Variants in PCDHA11 observed in about 807,000 individuals in gnomAD.
The protein encoded by PCDHA11 is protocadherin alpha-11.
In PCDHA11, 61 loss-of-function variants were observed where a neutral mutation model predicts 70.3. That is an observed-to-expected ratio of 0.87 (90% CI 0.71 to 1.07). The LOEUF is 1.07. Ranked by LOEUF, PCDHA11 falls within the 50% of genes least tolerant of loss-of-function variation. The probability of loss-of-function intolerance (pLI) is 0.00; values close to 1 mark genes in which losing one functional copy is unlikely to be tolerated. For missense variants in PCDHA11, 1,324 were observed against 1,237.5 expected (o/e 1.07, Z -1.05); for synonymous variants, 633 against 555.1 (o/e 1.14, Z -1.97).
chr5:140,957,100 T>C (rs2095333217), intron 1 of PCDHA11, among the ~76,000 whole-genome samples: 1 of 152,328 alleles, frequency 6.6e-6, no homozygotes, highest in Non-Finnish European at 1.5e-5. Flanking sequence ...AATATTGCTA[T>C]GGACATGATT....
At position 141,010,114 on chromosome 5, in the gene PCDHA11, G is replaced by A. The variant is rs2098416092; in HGVS notation, c.*177G>A. Reference sequence around the variant, plus strand: ...GCATTTAACAGGTTTTGTCGTAAAAGCTTTACTAAGTCTGGTGTTAACTCT... The same window carrying A: ...GCATTTAACAGGTTTTGTCGTAAAAACTTTACTAAGTCTGGTGTTAACTCT... On this transcript the variant is annotated 3_prime_UTR_variant, in exon 4 of 4. Transcript: ENST00000398640. The A allele has an allele frequency of 1.2e-6, 2 of 1,609,716 alleles. No homozygotes were observed. Among genetic ancestry groups the A allele is most frequent in the Non-Finnish European group, 1.7e-6 (2 of 1,177,682 alleles).
intron 1 of PCDHA11, among the ~76,000 whole-genome samples, chr5:140,892,375 A>G (rs1032467069): frequency 1.3e-5 from 2 of 152,226 alleles, no homozygotes; most frequent in African/African-American, 4.8e-5. Flanking sequence ...GGCACTAGCA[A>G]TCATGGGTAA....
intron 1 of PCDHA11, among the ~76,000 whole-genome samples, chr5:140,881,802 G>A (rs1239090795): frequency 1.3e-5 from 2 of 152,182 alleles, no homozygotes; most frequent in Admixed American, 6.5e-5. Context: ...CCCAAAACGA[G>A]TGTCGAATAT....
chr5:140,918,072 T>C (rs1271495774), intron 1 of PCDHA11, among the ~76,000 whole-genome samples: 1 of 152,142 alleles, frequency 6.6e-6, no homozygotes, highest in Non-Finnish European at 1.5e-5. Flanking sequence ...TTTCTTTCAG[T>C]AGTGTTTTAT....
chr5:140,869,004 T>C lies in PCDHA11; in HGVS notation c.-100T>C. On this transcript the variant is annotated 5_prime_UTR_variant, in exon 1 of 4. Coordinates refer to ENST00000398640, the MANE Select transcript of PCDHA11 (RefSeq NM_018902.5). ...CGGATGCCACCGTTTAAGGATCCTTTGAAACTTCTTAAGAATTCAACGAGA... is the reference window on the plus strand; with the variant it reads ...CGGATGCCACCGTTTAAGGATCCTTCGAAACTTCTTAAGAATTCAACGAGA... 1 of 1,521,534 alleles carries C rather than the reference T, an allele frequency of 6.6e-7. No individual in the cohort carries two copies. Among genetic ancestry groups the C allele is most frequent in the Non-Finnish European group, 8.8e-7 (1 of 1,138,484 alleles). 94.3% of individuals were successfully genotyped at this position (1,521,534 alleles called of 1,614,324 possible). A position where few individuals can be genotyped will look rare whatever the true frequency, so the allele number is the denominator to read the frequency against.
intron 1 of PCDHA11, among the ~76,000 whole-genome samples, chr5:140,935,583 C>T (rs1182817725): frequency 1.3e-5 from 2 of 152,168 alleles, no homozygotes; most frequent in Admixed American, 6.5e-5. Flanking sequence ...AGTTAAGCCA[C>T]CAGCTAGATA....
In PCDHA11 at chr5:140,876,439, A is replaced by G; in HGVS notation, c.2391+4945A>G. 4 of 1,613,988 alleles carry G rather than the reference A, an allele frequency of 2.5e-6. No individual in the cohort carries two copies. The East Asian group carries it at 8.9e-5, about 36-fold the overall frequency. ...TGCCTATGAAATTCAGGTTAACGCC[A>G]TTGATAAAGGGATTCCTTCCATGGC... is the stretch of plus-strand genomic sequence containing the variant. On this transcript the variant is annotated intron_variant, in intron 1 of 3. Transcript: ENST00000398640.
At chr5:140,942,821 G>A (rs2093373988) in intron 1 of PCDHA11, among the ~76,000 whole-genome samples, 1 of 151,968 alleles carries the variant, frequency 6.6e-6, no homozygotes, top group African/African-American at 2.4e-5. Flanking sequence ...GTTGGATTTG[G>A]CCCTGTGTCA....
intron 1 of PCDHA11, chr5:140,927,071 GCCA>G (rs2083808355): frequency 4.3e-6 from 7 of 1,610,970 alleles, no homozygotes; most frequent in Non-Finnish European, 5.9e-6. Flanking sequence ...TTCCTTTCCA[GCCA>G]CCGCGAGCTC....
chr5:140,966,330 G>A, intron 1 of PCDHA11: 2 of 393,050 alleles, frequency 5.1e-6, no homozygotes, highest in Non-Finnish European at 9.0e-6. Context: ...CTGGGATCCG[G>A]CAGGTCCAGG....
In PCDHA11 at chr5:140,868,994, A is replaced by C; in HGVS notation, c.-110A>C. On this transcript the variant is annotated 5_prime_UTR_variant, in exon 1 of 4. Transcript: ENST00000398640. ...TCCATCATACCGGATGCCACCGTTT[A>C]AGGATCCTTTGAAACTTCTTAAGAA... The C allele has an allele frequency of 6.6e-7, 1 of 1,510,848 alleles. No homozygotes were observed. Among genetic ancestry groups the C allele is most frequent in the Non-Finnish European group, 8.8e-7 (1 of 1,130,014 alleles). 93.6% of individuals were successfully genotyped at this position (1,510,848 alleles called of 1,614,324 possible).
chr5:140,946,457 C>T (rs1480427132), intron 1 of PCDHA11, among the ~76,000 whole-genome samples: 2 of 151,612 alleles, frequency 1.3e-5, no homozygotes, highest in Non-Finnish European at 3.0e-5. Flanking sequence ...AACTATCCAG[C>T]AATCCCACTA....
intron 1 of PCDHA11, among the ~76,000 whole-genome samples, chr5:140,899,769 T>C (rs376898324): frequency 4.6e-4 from 70 of 152,316 alleles, no homozygotes; most frequent in African/African-American, 1.7e-3. Flanking sequence ...CAGTTCCTCC[T>C]TTTACCTCTG....
At position 141,010,718 on chromosome 5, in the gene PCDHA11, T is replaced by C. The variant is rs2154002137; in HGVS notation, c.*781T>C. Reference sequence around the variant, plus strand: ...TTTCCTATACATGTCCTGTGCTCACTTTATTAAAAATTCTTTTGCACACAA... The same window carrying C: ...TTTCCTATACATGTCCTGTGCTCACCTTATTAAAAATTCTTTTGCACACAA... On this transcript the variant is annotated 3_prime_UTR_variant, in exon 4 of 4. Coordinates refer to ENST00000398640, the MANE Select transcript of PCDHA11 (RefSeq NM_018902.5). The C allele has an allele frequency of 6.5e-6, 1 of 154,542 alleles. No homozygotes were observed. The highest frequency in any genetic ancestry group is 1.9e-4 in the East Asian group (1 of 5,208). 9.6% of individuals were successfully genotyped at this position (154,542 alleles called of 1,614,324 possible). A position where few individuals can be genotyped will look rare whatever the true frequency, so the allele number is the denominator to read the frequency against.
intron 1 of PCDHA11, among the ~76,000 whole-genome samples, chr5:140,939,605 G>GAACAAGGA (rs1468383916): frequency 1.3e-5 from 2 of 152,082 alleles, no homozygotes; most frequent in African/African-American, 4.8e-5. Flanking sequence ...CTCAAAAACA[G>GAACAAGGA]AACAAGGAGA....
intron 3 of PCDHA11, among the ~76,000 whole-genome samples, chr5:140,992,394 G>A (rs1338899804): frequency 2.0e-5 from 3 of 152,170 alleles, no homozygotes; most frequent in African/African-American, 7.2e-5. Flanking sequence ...TCTGGACTTA[G>A]AGATATTGTT....
At chr5:140,918,816 A>C (rs1178287306) in intron 1 of PCDHA11, among the ~76,000 whole-genome samples, 1 of 62,452 alleles carries the variant, frequency 1.6e-5, no homozygotes, top group Admixed American at 1.3e-4. Context: ...ATGAACCAAA[A>C]AGTGGCCCCC....
At chr5:140,922,547 G>A (rs1269163353) in intron 1 of PCDHA11, among the ~76,000 whole-genome samples, 2 of 152,192 alleles carry the variant, frequency 1.3e-5, no homozygotes, top group Non-Finnish European at 2.9e-5. Context: ...GGCAAGGTAA[G>A]GAGAAAAGTC....
At chr5:140,941,255 C>CTTTCTCTT (rs782490896) in intron 1 of PCDHA11, among the ~76,000 whole-genome samples, 24 of 44,510 alleles carry the variant, frequency 5.4e-4, no homozygotes, top group African/African-American at 1.5e-3. Flanking sequence ...TTCTTTCTTT[C>CTTTCTCTT]TCTTTCTTTC....
Sources: allele counts gnomAD v4.1 joint callset (sites outside exome capture counted in the v4.1 genomes callset), GRCh38; gene constraint gnomAD v4.1.1; transcripts MANE v1.5; gene names NCBI Gene and HGNC (gene_info 2026-07-23, HGNC 2026-07-21).